The following DZIP3 variants were observed in gnomAD, a reference collection of about 807,000 sequenced individuals.
DZIP3 encodes E3 ubiquitin-protein ligase DZIP3.
DZIP3 carries 118 observed loss-of-function variants against 162.0 expected under a neutral mutation model. That is an observed-to-expected ratio of 0.73 (90% CI 0.63 to 0.85). The LOEUF (loss-of-function observed/expected upper bound fraction) is 0.85, where lower values mean the gene tolerates loss of function less well. Ranked by LOEUF, DZIP3 falls within the 40% of genes least tolerant of loss-of-function variation. DZIP3 has a pLI of 0.00. For synonymous variants in DZIP3, 438 were observed against 458.6 expected, an observed-to-expected ratio of 0.96 and a Z score of 0.57; for missense variants, 1,331 against 1,407.0, an observed-to-expected ratio of 0.95 and a Z score of 0.86.
chr3:108,647,151 A>G (rs956773809), intron 15 of DZIP3, among the ~76,000 whole-genome samples: 4 of 152,186 alleles, frequency 2.6e-5, no homozygotes, highest in Non-Finnish European at 5.9e-5. Flanking sequence ...GGGTTTTCCC[A>G]AGGATGATGT....
At chr3:108,649,115 G>C (rs2107659269) in intron 17 of DZIP3, among the ~76,000 whole-genome samples, 153 bp downstream of exon 17, 1 of 151,834 alleles carries the variant, frequency 6.6e-6, no homozygotes, top group African/African-American at 2.4e-5. Context: ...GTCTACATAT[G>C]TTATATCCTG....
At chr3:108,591,522 T>G (rs1939420230) in intron 1 of DZIP3, among the ~76,000 whole-genome samples, 1 of 152,252 alleles carries the variant, frequency 6.6e-6, no homozygotes. Flanking sequence ...AAATTTTGTA[T>G]TCTCTTCTGT....
intron 21 of DZIP3, among the ~76,000 whole-genome samples, chr3:108,666,870 C>G (rs545605605): frequency 2.0e-5 from 3 of 152,168 alleles, no homozygotes; most frequent in African/African-American, 7.2e-5. Flanking sequence ...ATTTGTGCCA[C>G]ATAGCTGAGG....
chr3:108,623,489 A>T (rs114566415), intron 5 of DZIP3, among the ~76,000 whole-genome samples: 1,971 of 152,236 alleles, frequency 0.013, 41 homozygotes, highest in African/African-American at 0.045. Flanking sequence ...TCAGGATTCT[A>T]CTGTGACTGA....
chr3:108,633,122 A>G, intron 9 of DZIP3, 50 bp downstream of exon 9: 2 of 880,648 alleles, frequency 2.3e-6, no homozygotes, highest in Non-Finnish European at 3.0e-6. Flanking sequence ...TTGAAAAATT[A>G]TATATAACTA....
intron 2 of DZIP3, among the ~76,000 whole-genome samples, chr3:108,606,313 A>G (rs1038204779): frequency 2.0e-5 from 3 of 152,160 alleles, no homozygotes; most frequent in African/African-American, 7.2e-5. Context: ...ACAGGGTCGT[A>G]TTGGAGATCT....
chr3:108,636,749 C>A, intron 11 of DZIP3, 41 bp downstream of exon 11: 1 of 1,373,166 alleles, frequency 7.3e-7, no homozygotes, highest in South Asian at 1.3e-5. Flanking sequence ...TTCTTGCTTT[C>A]CTTCCTTGGA....
intron 4 of DZIP3, among the ~76,000 whole-genome samples, chr3:108,615,099 T>C (rs969433686): frequency 1.3e-5 from 2 of 152,230 alleles, no homozygotes; most frequent in African/African-American, 4.8e-5. Flanking sequence ...TGCTGAAGGC[T>C]GTGCCACAAC....
chr3:108,674,922 A>T (rs555172625), intron 24 of DZIP3, among the ~76,000 whole-genome samples: 1 of 152,060 alleles, frequency 6.6e-6, no homozygotes, highest in South Asian at 2.1e-4. Context: ...TAGCTAGATT[A>T]TCAGGATATA....
chr3:108,629,828 GT>G (rs1941752004), intron 8 of DZIP3, among the ~76,000 whole-genome samples: 1 of 151,030 alleles, frequency 6.6e-6, no homozygotes, highest in Non-Finnish European at 1.5e-5. Flanking sequence ...TAAATATATA[GT>G]ATTTTTTATT....
chr3:108,658,668 C>CA (rs1360458028), intron 19 of DZIP3, among the ~76,000 whole-genome samples: 1 of 151,952 alleles, frequency 6.6e-6, no homozygotes, highest in Non-Finnish European at 1.5e-5. Flanking sequence ...GATAGAGACA[C>CA]AAAAAACCCT....
chr3:108,598,482 G>T (rs1317272030), intron 1 of DZIP3, among the ~76,000 whole-genome samples: 1 of 152,140 alleles, frequency 6.6e-6, no homozygotes, highest in Admixed American at 6.5e-5. Flanking sequence ...TATATGAAAA[G>T]AAACTCTTTA....
intron 17 of DZIP3, among the ~76,000 whole-genome samples, chr3:108,649,390 T>C (rs1942767804): frequency 6.6e-6 from 1 of 151,840 alleles, no homozygotes. Flanking sequence ...GATGCAATAA[T>C]GTGCACAAAA....
intron 6 of DZIP3, 33 bp downstream of exon 6, chr3:108,624,557 T>G: frequency 8.1e-7 from 1 of 1,229,772 alleles, no homozygotes; most frequent in East Asian, 2.6e-5. Context: ...TTTATAAATC[T>G]TTTTACATCT....
At chr3:108,662,794 A>T (rs1040000783) in intron 21 of DZIP3, among the ~76,000 whole-genome samples, 10 of 152,212 alleles carry the variant, frequency 6.6e-5, no homozygotes, top group African/African-American at 2.4e-4. Flanking sequence ...TGACTGACTT[A>T]GGGAAAAATT....
chr3:108,675,471 T>C (rs1274400310), intron 24 of DZIP3, among the ~76,000 whole-genome samples: 1 of 152,022 alleles, frequency 6.6e-6, no homozygotes, highest in Non-Finnish European at 1.5e-5. Flanking sequence ...TACTAAGGCT[T>C]TCCTGCTTCA....
At position 108,654,241 on chromosome 3, in the gene DZIP3, A is replaced by G; in HGVS notation, c.2130A>G (p.Gln710=). Residue 710 remains glutamine, a synonymous_variant, in exon 19 of 33, where the codon CAA becomes CAG. Coordinates refer to ENST00000361582, the MANE Select transcript of DZIP3 (RefSeq NM_014648.4). ...TAAAAGATGATGCAAGTGATGTTCA[A>G]GAGGATTCTGCAATGGAAGACAAGT... The part of the protein sequence containing the change: ...RLIKDDASDV[Q]EDSAMEDKFY... The G allele has an allele frequency of 6.2e-7, 1 of 1,613,890 alleles. No homozygotes were observed. Among genetic ancestry groups the G allele is most frequent in the Non-Finnish European group, 8.5e-7 (1 of 1,179,804 alleles).
At chr3:108,673,278 G>C (rs1943990337) in intron 23 of DZIP3, among the ~76,000 whole-genome samples, 1 of 151,952 alleles carries the variant, frequency 6.6e-6, no homozygotes, top group African/African-American at 2.4e-5. Context: ...TTCTCTAGCA[G>C]AGTACTTGGG....
At chr3:108,640,941 T>A (rs1208892127) in intron 12 of DZIP3, among the ~76,000 whole-genome samples, 1 of 151,832 alleles carries the variant, frequency 6.6e-6, no homozygotes, top group African/African-American at 2.4e-5. Context: ...AATCTCTGCT[T>A]TTAAATTGTT....
Sources: gnomAD v4.1 joint callset for allele counts (sites outside exome capture counted in the v4.1 genomes callset) on GRCh38, gnomAD v4.1.1 for gene constraint, MANE v1.5 for transcripts, NCBI Gene and HGNC (gene_info 2026-07-23, HGNC 2026-07-21) for gene names.